The following CNTNAP2 variants were observed in gnomAD, a reference collection of about 807,000 sequenced individuals.
CNTNAP2 encodes contactin associated protein 2.
In CNTNAP2, 98 loss-of-function variants were observed where a neutral mutation model predicts 155.2. The ratio of observed to expected loss-of-function variants is 0.63; its 90% CI spans 0.54 to 0.75. CNTNAP2 has a LOEUF of 0.75. Ranked by LOEUF, CNTNAP2 falls within the 30% of genes least tolerant of loss-of-function variation. The pLI is 0.00. For synonymous variants in CNTNAP2, 651 were observed against 631.2 expected, an observed-to-expected ratio of 1.03 and a Z score of -0.47; for missense variants, 1,727 against 1,688.1, an observed-to-expected ratio of 1.02 and a Z score of -0.40.
intron 13 of CNTNAP2, among the ~76,000 whole-genome samples, chr7:147,683,415 A>G (rs6964327): frequency 0.1 from 15,451 of 151,858 alleles, 1,342 homozygotes; most frequent in African/African-American, 0.21. Flanking sequence ...TGATAAGATA[A>G]GTTTTGTGGG....
intron 3 of CNTNAP2, among the ~76,000 whole-genome samples, chr7:146,892,967 C>G (rs1000364499): frequency 5.9e-5 from 9 of 152,016 alleles, no homozygotes; most frequent in Non-Finnish European, 1.2e-4. Context: ...TTTTTGTAAA[C>G]ATATATAAAT....
intron 12 of CNTNAP2, among the ~76,000 whole-genome samples, chr7:147,568,154 G>T (rs117957390): frequency 0.011 from 1,611 of 151,930 alleles, 13 homozygotes; most frequent in Non-Finnish European, 0.017. Flanking sequence ...TTCAGTAATT[G>T]GAATAAGTTG....
At chr7:146,725,500 G>A (rs1218940354) in intron 1 of CNTNAP2, among the ~76,000 whole-genome samples, 1 of 152,128 alleles carries the variant, frequency 6.6e-6, no homozygotes, top group African/African-American at 2.4e-5. Context: ...TAAAGCTAAT[G>A]AGAGACCACC....
chr7:146,306,440 CA>C (rs1176259070), intron 1 of CNTNAP2, among the ~76,000 whole-genome samples: 2 of 151,902 alleles, frequency 1.3e-5, no homozygotes, highest in Non-Finnish European at 2.9e-5. Context: ...AGAAACACAA[CA>C]AAAAAAGAGA....
chr7:147,239,803 C>G (rs1250945288), intron 8 of CNTNAP2, among the ~76,000 whole-genome samples: 1 of 152,152 alleles, frequency 6.6e-6, no homozygotes, highest in African/African-American at 2.4e-5. Flanking sequence ...TATCATCATC[C>G]TCTTTTCAGT....
chr7:147,050,194 C>A (rs890241487), intron 4 of CNTNAP2, among the ~76,000 whole-genome samples: 1 of 152,130 alleles, frequency 6.6e-6, no homozygotes, highest in Non-Finnish European at 1.5e-5. Context: ...AGACACTAAT[C>A]TTCTTACGCG....
chr7:146,888,058 C>A (rs151069209), intron 3 of CNTNAP2, among the ~76,000 whole-genome samples: 22 of 152,164 alleles, frequency 1.4e-4, no homozygotes, highest in African/African-American at 4.8e-4. Context: ...ATGAATTAAT[C>A]TATCATCCAT....
At chr7:146,273,560 G>A (rs1050798609) in intron 1 of CNTNAP2, among the ~76,000 whole-genome samples, 3 of 152,052 alleles carry the variant, frequency 2.0e-5, no homozygotes, top group Non-Finnish European at 1.5e-5. Context: ...AATAGATGAC[G>A]GGCCAGATGT....
chr7:146,438,974 T>C (rs1279861717), intron 1 of CNTNAP2, among the ~76,000 whole-genome samples: 1 of 151,560 alleles, frequency 6.6e-6, no homozygotes, highest in Non-Finnish European at 1.5e-5. Context: ...CTTAAGAAGT[T>C]TTCTTTTCTA....
intron 3 of CNTNAP2, among the ~76,000 whole-genome samples, chr7:146,840,952 A>T (rs1459495379): frequency 6.6e-6 from 1 of 152,214 alleles, no homozygotes; most frequent in Non-Finnish European, 1.5e-5. Context: ...GTGTATTAGG[A>T]TGTATAAGTT....
At chr7:147,665,385 G>A (rs75393644) in intron 13 of CNTNAP2, among the ~76,000 whole-genome samples, 21,715 of 152,154 alleles carry the variant, frequency 0.14, 1,744 homozygotes, top group Middle Eastern at 0.29. Flanking sequence ...GTTGCTTCTA[G>A]TTTGGAAGAA....
chr7:146,245,765 C>T (rs558209701), intron 1 of CNTNAP2, among the ~76,000 whole-genome samples: 61 of 152,044 alleles, frequency 4.0e-4, no homozygotes, highest in Admixed American at 7.2e-4. Flanking sequence ...GGCAGTACAG[C>T]CCAGGTAATT....
chr7:146,339,419 G>A (rs898846435), intron 1 of CNTNAP2, among the ~76,000 whole-genome samples: 9 of 152,008 alleles, frequency 5.9e-5, no homozygotes, highest in African/African-American at 2.2e-4. Context: ...TCTTTTATGG[G>A]ATATACAATT....
chr7:147,121,018 T>G lies in CNTNAP2; in HGVS notation c.794T>G (p.Val265Gly), dbSNP rs1484355748. ...QLGPIYGHTS[V>G]MTGSLLDDHH... ...GGCCCCATATATGGCCACACATCAG[T>G]GATGACAGGAAGTTTGCTGGATGAC... The change falls in exon 6 of 24, where the codon GTG becomes GGG. Residue 265 changes from valine to glycine, a missense_variant. Transcript: ENST00000361727. 2.5e-6 allele frequency: 4 copies of G among 1,613,804 alleles called. No individual in the cohort carries two copies. The African/African-American group carries it at 5.3e-5, about 22-fold the overall frequency.
intron 1 of CNTNAP2, among the ~76,000 whole-genome samples, chr7:146,392,804 A>G (rs951280704): frequency 2.1e-5 from 3 of 143,614 alleles, no homozygotes; most frequent in Admixed American, 7.3e-5. Flanking sequence ...GGGAAAGACT[A>G]ATTGTGCCTT....
intron 15 of CNTNAP2, among the ~76,000 whole-genome samples, chr7:147,999,780 G>A (rs985672119): frequency 6.6e-6 from 1 of 152,110 alleles, no homozygotes; most frequent in African/African-American, 2.4e-5. Flanking sequence ...AAAAAATGGA[G>A]GTAGAAGTTG....
intron 3 of CNTNAP2, among the ~76,000 whole-genome samples, chr7:146,848,953 A>AGTAGAGAC: frequency 6.6e-6 from 1 of 152,014 alleles, no homozygotes; most frequent in South Asian, 2.1e-4. Flanking sequence ...TTGTATTTTT[A>AGTAGAGAC]GTAGAGACGT....
Position 146,405,621 on chromosome 7 carries a change from G to A in CNTNAP2, c.97+288648G>A, listed in dbSNP as rs540306895. On this transcript the variant is annotated intron_variant, in intron 1 of 23. Coordinates refer to ENST00000361727, the MANE Select transcript of CNTNAP2 (RefSeq NM_014141.6). ...AGAACATGATTAAGAAAACAAATAC[G>A]TAACAGGTAAGACAAATTAAACTGG... 6.6e-5 allele frequency among the ~76,000 whole-genome samples: 10 copies of A among 152,216 alleles called. No individual in the cohort carries two copies. The South Asian group carries it at 1.2e-3, about 19-fold the overall frequency.
chr7:148,325,261 A>G (rs549647317), intron 21 of CNTNAP2, among the ~76,000 whole-genome samples: 124 of 152,370 alleles, frequency 8.1e-4, no homozygotes, highest in African/African-American at 2.8e-3. Flanking sequence ...CCTGTTTATA[A>G]AAGTAGTTTT....
Sources: allele counts gnomAD v4.1 joint callset (sites outside exome capture counted in the v4.1 genomes callset), GRCh38; gene constraint gnomAD v4.1.1; transcripts MANE v1.5; gene names NCBI Gene and HGNC (gene_info 2026-07-23, HGNC 2026-07-21).